Variants in SPEF2 observed in about 807,000 individuals in gnomAD.
The protein encoded by SPEF2 is sperm flagella and cilia-associated protein 2.
Under a neutral mutation model 224.6 loss-of-function variants are expected in SPEF2, and 187 were observed. The observed-to-expected ratio is 0.83, with a 90% CI of 0.74 to 0.94. The LOEUF (loss-of-function observed/expected upper bound fraction) is 0.94. Among genes scored for constraint, SPEF2 ranks in the 40% least tolerant of loss-of-function variants. The pLI, the probability that SPEF2 is intolerant of heterozygous loss-of-function variation, is 0.00. For missense variants in SPEF2, 2,170 were observed against 2,135.6 expected, an observed-to-expected ratio of 1.02 and a Z score of -0.32; for synonymous variants, 715 against 707.3, an observed-to-expected ratio of 1.01 and a Z score of -0.17.
At chr5:35,758,806 A>C (rs1405612208) in intron 24 of SPEF2, among the ~76,000 whole-genome samples, 10 of 151,974 alleles carry the variant, frequency 6.6e-5, no homozygotes, top group African/African-American at 2.4e-4. Context: ...AGGAGTTCGA[A>C]ACCAGCCTGG....
At chr5:35,776,156 C>A in intron 28 of SPEF2, 101 bp from the exon 29 acceptor site, 2 of 1,223,606 alleles carry the variant, frequency 1.6e-6, no homozygotes, top group Non-Finnish European at 2.2e-6. Flanking sequence ...GCACCTAAAG[C>A]TTCACAAATT....
At chr5:35,700,786 C>A (rs777562604) in intron 16 of SPEF2, 34 bp downstream of exon 16, 9 of 1,603,814 alleles carry the variant, frequency 5.6e-6, no homozygotes, top group Non-Finnish European at 7.7e-6. Context: ...ACTCTTTTTA[C>A]AATGAAAACT....
intron 10 of SPEF2, among the ~76,000 whole-genome samples, chr5:35,682,921 A>G (rs1753042255): frequency 6.6e-6 from 1 of 152,198 alleles, no homozygotes; most frequent in African/African-American, 2.4e-5. Flanking sequence ...GCAACGTTAC[A>G]ATCAAGAAGG....
chr5:35,704,336 C>T (rs1307889623), intron 16 of SPEF2, among the ~76,000 whole-genome samples: 1 of 152,100 alleles, frequency 6.6e-6, no homozygotes, highest in Non-Finnish European at 1.5e-5. Context: ...GAAACTACAG[C>T]TTCTCTTTAA....
Position 35,705,667 on chromosome 5 carries a change from G to A in SPEF2, c.2524G>A (p.Asp842Asn), listed in dbSNP as rs185752523. The A allele has an allele frequency of 1.5e-4, 230 of 1,582,432 alleles. 2 individuals are homozygous for A. The East Asian group carries it at 4.6e-3, about 32-fold the overall frequency. Reference protein sequence around the residue: ...QIQHRIIGFLDNWPLLEQWFS... With the variant: ...QIQHRIIGFLNNWPLLEQWFS... ...ATTTTGCAGAATTATAGGCTTCTTG[G>A]ACAACTGGCCTTTATTGGAGCAATG... Residue 842 changes from aspartate to asparagine, a missense_variant, in exon 18 of 37, where the codon GAC (aspartate) becomes AAC (asparagine). Asp to Asn is a conservative substitution (Grantham distance 23). Transcript: ENST00000356031.
chr5:35,804,574 C>A (rs2149866639), intron 34 of SPEF2, among the ~76,000 whole-genome samples: 1 of 152,240 alleles, frequency 6.6e-6, no homozygotes, highest in Admixed American at 6.5e-5. Flanking sequence ...CCTTCCCCTC[C>A]CACTGAGCCA....
At chr5:35,746,688 C>T (rs1435663347) in intron 23 of SPEF2, among the ~76,000 whole-genome samples, 1 of 151,930 alleles carries the variant, frequency 6.6e-6, no homozygotes, top group South Asian at 2.1e-4. Flanking sequence ...AATGACCAAA[C>T]CGAACAATAA....
intron 6 of SPEF2, among the ~76,000 whole-genome samples, chr5:35,653,808 G>A (rs1001596759): frequency 4.6e-5 from 7 of 151,564 alleles, no homozygotes; most frequent in East Asian, 3.9e-4. Context: ...TTAGCCGGGC[G>A]TGGTGGCGTG....
intron 10 of SPEF2, among the ~76,000 whole-genome samples, chr5:35,686,699 A>T (rs189862468): frequency 6.6e-6 from 1 of 151,972 alleles, no homozygotes; most frequent in African/African-American, 2.4e-5. Flanking sequence ...CTTTATCTGG[A>T]TATCTTTTAT....
rs1346800322 is a variant in SPEF2, at chr5:35,633,563, ATTGTAT to A, written c.161+5002_161+5007del. On this transcript the variant is annotated intron_variant, in intron 2 of 36. Coordinates refer to ENST00000356031, the MANE Select transcript of SPEF2 (RefSeq NM_024867.4). ...TTTCTTGTAGAAAGCATATGATTGG[ATTGTAT>A]ATTCTGTCAATTCCCTCTTTGTAAT... 2.0e-5 allele frequency among the ~76,000 whole-genome samples: 3 copies of A among 151,966 alleles called. No homozygotes were observed. The East Asian group carries it at 5.8e-4, about 29-fold the overall frequency.
At chr5:35,641,807 GC>G (rs920352926) in intron 3 of SPEF2, 124 bp downstream of exon 3, 7 of 1,002,030 alleles carry the variant, frequency 7.0e-6, no homozygotes, top group Non-Finnish European at 1.0e-5. Flanking sequence ...TATGTTACTG[GC>G]CATACTTGGG....
chr5:35,619,423 C>T (rs977480951), intron 1 of SPEF2, among the ~76,000 whole-genome samples: 3 of 152,170 alleles, frequency 2.0e-5, no homozygotes, highest in Admixed American at 6.5e-5. Context: ...TGGCTCACGC[C>T]TGTAATGCCA....
chr5:35,650,425 A>G lies in SPEF2; in HGVS notation c.791+1000A>G, dbSNP rs141860546. On this transcript the variant is annotated intron_variant, in intron 6 of 36. Transcript: ENST00000356031. Reference sequence around the variant, plus strand: ...GCAGCCACCACTTGAACCCTAGCACACACCTACCCTGACCTTGGCCCATGA... The same window carrying G: ...GCAGCCACCACTTGAACCCTAGCACGCACCTACCCTGACCTTGGCCCATGA... Among the ~76,000 whole-genome samples, 295 of 152,194 alleles carry G rather than the reference A, an allele frequency of 1.9e-3. 2 individuals carry two copies. Among genetic ancestry groups the G allele is most frequent in the African/African-American group, 6.7e-3 (279 of 41,542 alleles).
At position 35,723,126 on chromosome 5, in the gene SPEF2, T is replaced by C. The variant is rs936404134; in HGVS notation, c.2915-4549T>C. On this transcript the variant is annotated intron_variant, in intron 20 of 36. Transcript: ENST00000356031. ...CAGGCTCCTCCCCACACAAATGGCA[T>C]GAACTTCCCAAGGCTTCACCCCAGT... is the stretch of plus-strand genomic sequence containing the variant. 3.9e-5 allele frequency among the ~76,000 whole-genome samples: 6 copies of C among 152,136 alleles called. No homozygotes were observed. The South Asian group carries it at 8.3e-4, about 21-fold the overall frequency.
intron 10 of SPEF2, among the ~76,000 whole-genome samples, chr5:35,688,289 A>G (rs763942139): frequency 1.3e-5 from 2 of 152,122 alleles, no homozygotes; most frequent in African/African-American, 2.4e-5. Context: ...TTCCCAAATA[A>G]TGTGACTAAT....
At chr5:35,710,014 A>G (rs1009365587) in intron 19 of SPEF2, 5 of 979,112 alleles carry the variant, frequency 5.1e-6, no homozygotes, top group Middle Eastern at 5.3e-4. Context: ...AAACTTATTC[A>G]TATTAAACAA....
chr5:35,776,418 GA>G, intron 29 of SPEF2, 23 bp downstream of exon 29: 1 of 1,584,520 alleles, frequency 6.3e-7, no homozygotes, highest in South Asian at 1.2e-5. Context: ...ATGACTTTCT[GA>G]AAATATGCTT....
chr5:35,718,564 G>A (rs1419617295), intron 20 of SPEF2, among the ~76,000 whole-genome samples: 4 of 152,098 alleles, frequency 2.6e-5, no homozygotes, highest in African/African-American at 9.7e-5. Context: ...ATTTTGGCAG[G>A]TCCCACCATG....
chr5:35,687,964 T>G (rs560580433), intron 10 of SPEF2, among the ~76,000 whole-genome samples: 3 of 152,218 alleles, frequency 2.0e-5, no homozygotes, highest in African/African-American at 7.2e-5. Context: ...AGCAAAAAAT[T>G]TGCAGGCAAA....
Sources: allele counts gnomAD v4.1 joint callset (sites outside exome capture counted in the v4.1 genomes callset), GRCh38; gene constraint gnomAD v4.1.1; transcripts MANE v1.5; gene names NCBI Gene and HGNC (gene_info 2026-07-23, HGNC 2026-07-21).